Variants in WDR36 observed in about 807,000 individuals in gnomAD.
WDR36 encodes the protein WD repeat-containing protein 36.
In WDR36, 63 loss-of-function variants were observed where a neutral mutation model predicts 112.7. The observed-to-expected ratio is 0.56, with a 90% confidence interval of 0.46 to 0.69. The LOEUF is 0.69. WDR36 is among the 30% of genes least tolerant of loss of function. The probability of loss-of-function intolerance (pLI) is 0.00; values close to 1 mark genes in which losing one functional copy is unlikely to be tolerated. For synonymous variants in WDR36, 410 were observed against 362.2 expected (o/e 1.13, Z -1.50); for missense variants, 1,226 against 1,070.3 (o/e 1.15, Z -2.03).
intron 16 of WDR36, 63 bp downstream of exon 16, chr5:111,113,216 G>A: frequency 1.0e-6 from 1 of 1,003,416 alleles, no homozygotes; most frequent in African/African-American, 1.6e-5. Flanking sequence ...TTTCACATGT[G>A]ACTTTTACCG....
chr5:111,128,202 A>G lies in WDR36; in HGVS notation c.*1319A>G, dbSNP rs1318446872. Reference sequence around the variant, plus strand: ...TTTCATGAAACACAGTGGTTTGAATATGAACACCAGTAGCATTCTCGTTCG... The same window carrying G: ...TTTCATGAAACACAGTGGTTTGAATGTGAACACCAGTAGCATTCTCGTTCG... On this transcript the variant is annotated 3_prime_UTR_variant, in exon 23 of 23. Coordinates refer to ENST00000513710, the MANE Select transcript of WDR36 (RefSeq NM_139281.3). 5.2e-6 allele frequency: 1 copy of G among 190,894 alleles called. No individual in the cohort carries two copies. Among genetic ancestry groups the G allele is most frequent in the African/African-American group, 2.3e-5 (1 of 42,978 alleles). 11.8% of individuals were successfully genotyped at this position (190,894 alleles called of 1,614,324 possible).
At chr5:111,096,543 A>G (rs1392158059) in intron 2 of WDR36, among the ~76,000 whole-genome samples, 1 of 152,032 alleles carries the variant, frequency 6.6e-6, no homozygotes, top group Non-Finnish European at 1.5e-5. Flanking sequence ...GTCTCTTCTA[A>G]AAATACAAAA....
rs1554109024 is a variant in WDR36, at chr5:111,113,053, T to TATATA, written c.1717-21_1717-20insATATA. The TATATA allele has an allele frequency of 2.9e-3, 592 of 205,914 alleles. 2 individuals carry two copies. The highest frequency in any genetic ancestry group is 0.017 in the African/African-American group (307 of 18,364). The allele number at this position is 205,914 out of a possible 1,614,324, so 12.8% of individuals were successfully genotyped here. A position where few individuals can be genotyped will look rare whatever the true frequency, so the allele number is the denominator to read the frequency against. On this transcript the variant is annotated intron_variant, in intron 15 of 22. Transcript: ENST00000513710. ...TATAAATAATATATATATATATATA[T>TATATA]TTTTTTTTTTTAATTTAAAGGCTTT...
intron 16 of WDR36, among the ~76,000 whole-genome samples, chr5:111,114,286 A>C (rs1485452510): frequency 1.3e-5 from 2 of 152,196 alleles, no homozygotes; most frequent in Non-Finnish European, 2.9e-5. Flanking sequence ...TTTAACAGTA[A>C]CATACCATTA....
At chr5:111,093,775 A>G (rs894954680) in intron 1 of WDR36, among the ~76,000 whole-genome samples, 1 of 152,194 alleles carries the variant, frequency 6.6e-6, no homozygotes, top group Non-Finnish European at 1.5e-5. Flanking sequence ...GTTTTTCCCT[A>G]TATTCTACTT....
chr5:111,115,201 G>A (rs1188019264), intron 16 of WDR36, among the ~76,000 whole-genome samples: 2 of 152,186 alleles, frequency 1.3e-5, no homozygotes, highest in African/African-American at 4.8e-5. Context: ...TACATTGATT[G>A]AAGAAAAGTA....
intron 6 of WDR36, among the ~76,000 whole-genome samples, chr5:111,102,902 T>C (rs1358997002): frequency 6.6e-6 from 1 of 151,726 alleles, no homozygotes; most frequent in African/African-American, 2.4e-5. Flanking sequence ...ACAGCGAATC[T>C]TGTGTTTATA....
At chr5:111,099,314 T>C (rs1199532579) in intron 4 of WDR36, among the ~76,000 whole-genome samples, 1 of 152,118 alleles carries the variant, frequency 6.6e-6, no homozygotes, top group Non-Finnish European at 1.5e-5. Context: ...GGATTATGTA[T>C]CTTTAAACAT....
intron 9 of WDR36, 123 bp downstream of exon 9, chr5:111,104,940 G>T (rs1355614430): frequency 2.0e-6 from 3 of 1,472,452 alleles, no homozygotes; most frequent in Non-Finnish European, 2.8e-6. Flanking sequence ...TTAGAAGTCT[G>T]GGTAAAACTA....
At position 111,111,190 on chromosome 5, in the gene WDR36, T is replaced by C. The variant is rs1211652885; in HGVS notation, c.1628T>C (p.Leu543Ser). The C allele has an allele frequency of 1.2e-6, 2 of 1,611,968 alleles. No homozygotes were observed. Among genetic ancestry groups the C allele is most frequent in the South Asian group, 1.1e-5 (1 of 91,056 alleles). ...HRDSGILGLA[L>S]DDFSISVLDI... Reference sequence around the variant, plus strand: ...GCTAGTGGCATTCTGGGACTCGCCTTGGATGACTTCTCCATTAGTGTTCTG... The same window carrying C: ...GCTAGTGGCATTCTGGGACTCGCCTCGGATGACTTCTCCATTAGTGTTCTG... The change falls in exon 15 of 23, where the codon TTG becomes TCG. Residue 543 changes from leucine to serine, a missense_variant. Physicochemically the swap from Leu to Ser is moderately radical, Grantham distance 145. Coordinates refer to ENST00000513710, the MANE Select transcript of WDR36 (RefSeq NM_139281.3).
chr5:111,123,301 A>G (rs1379267927), intron 19 of WDR36, among the ~76,000 whole-genome samples: 2 of 152,226 alleles, frequency 1.3e-5, no homozygotes, highest in Non-Finnish European at 2.9e-5. Flanking sequence ...AGCAAAATAG[A>G]AAAATTAGAG....
intron 4 of WDR36, among the ~76,000 whole-genome samples, chr5:111,099,463 G>GTTT (rs67437234): frequency 1.2e-4 from 10 of 84,952 alleles, no homozygotes; most frequent in Non-Finnish European, 2.2e-4. Flanking sequence ...TTTTTTTTTT[G>GTTT]TTTTTTTTTT....
rs1386354045 is a variant in WDR36, at chr5:111,108,856, T to TA, written c.1327-1332dup. Among the ~76,000 whole-genome samples the TA allele has an allele frequency of 5.3e-4, 81 of 151,416 alleles. 1 individual carries two copies. The highest frequency in any genetic ancestry group is 2.0e-3 in the African/African-American group (81 of 41,470). The stretch of plus-strand genomic sequence containing the variant: ...TCTTATAGCCCATAGGGATCACTTA[T>TA]AGAACATTTAGTATGTATGTATACT... On this transcript the variant is annotated intron_variant, in intron 12 of 22. Coordinates refer to ENST00000513710, the MANE Select transcript of WDR36 (RefSeq NM_139281.3).
chr5:111,120,708 TA>T, intron 18 of WDR36, 115 bp downstream of exon 18: 1 of 899,016 alleles, frequency 1.1e-6, no homozygotes, highest in African/African-American at 1.7e-5. Context: ...TTTTAACTGA[TA>T]TAAAAGACTT....
intron 18 of WDR36, 111 bp from the exon 19 acceptor site, chr5:111,120,885 C>G (rs1442094404): frequency 2.0e-6 from 2 of 984,088 alleles, no homozygotes; most frequent in African/African-American, 3.2e-5. Flanking sequence ...AATGAACAGT[C>G]TACAAGGCTG....
chr5:111,096,012 A>T (rs1033472939), intron 2 of WDR36, among the ~76,000 whole-genome samples: 1 of 152,206 alleles, frequency 6.6e-6, no homozygotes, highest in Non-Finnish European at 1.5e-5. Flanking sequence ...TAGAAGGCAG[A>T]AGAAAGGCAT....
intron 21 of WDR36, 123 bp downstream of exon 21, chr5:111,124,312 AT>A: frequency 1.1e-6 from 1 of 876,320 alleles, no homozygotes. Context: ...AAAGATTGAA[AT>A]TTTGGTTTTA....
rs748148533 is a variant in WDR36, at chr5:111,126,869, A to G, written c.2674A>G (p.Ser892Gly). 1.9e-6 allele frequency: 3 copies of G among 1,604,396 alleles called. No individual in the cohort carries two copies. Among genetic ancestry groups the G allele is most frequent in the Non-Finnish European group, 2.6e-6 (3 of 1,175,962 alleles). ...QSMCILNYLK[S>G]ALL ...CATGTGTATTTTAAATTATCTCAAA[A>G]GTGCTTTGTTGTAAAAATAAATTTG... Residue 892 changes from serine (S) to glycine (G), a missense_variant, in exon 23 of 23, where the codon AGT becomes GGT. Coordinates refer to ENST00000513710, the MANE Select transcript of WDR36 (RefSeq NM_139281.3).
At chr5:111,098,973 ACGTGT>A in intron 4 of WDR36, 134 bp downstream of exon 4, 1 of 670,062 alleles carries the variant, frequency 1.5e-6, no homozygotes, top group Admixed American at 2.7e-5. Context: ...AAAATCTTTA[ACGTGT>A]AAGAAAAAAA....
Sources: gnomAD v4.1 joint callset for allele counts (sites outside exome capture counted in the v4.1 genomes callset) on GRCh38, gnomAD v4.1.1 for gene constraint, MANE v1.5 for transcripts, NCBI Gene and HGNC (gene_info 2026-07-23, HGNC 2026-07-21) for gene names.